SBF2: variants seen among roughly 807,000 people sequenced by gnomAD.
The protein encoded by SBF2 is SET binding factor 2, also known as myotubularin-related protein 13.
A neutral mutation model predicts 225.2 loss-of-function variants in SBF2; 112 were observed. That is an observed-to-expected ratio of 0.50 (90% CI 0.43 to 0.58). The LOEUF is 0.58. Ranked by LOEUF, SBF2 falls within the 20% of genes least tolerant of loss-of-function variation. The probability of loss-of-function intolerance (pLI) is 0.00; values close to 1 mark genes in which losing one functional copy is unlikely to be tolerated. For synonymous variants in SBF2, 763 were observed against 773.3 expected, an observed-to-expected ratio of 0.99 and a Z score of 0.22; for missense variants, 1,996 against 2,206.2, an observed-to-expected ratio of 0.90 and a Z score of 1.91.
intron 17 of SBF2, among the ~76,000 whole-genome samples, chr11:9,874,935 T>C (rs1010505508): frequency 5.9e-5 from 9 of 152,238 alleles, no homozygotes; most frequent in African/African-American, 1.2e-4. Context: ...CAACCTATTA[T>C]TGGAAGAAAA....
intron 16 of SBF2, among the ~76,000 whole-genome samples, chr11:9,942,901 G>GAGAA (rs1183181431): frequency 0.1 from 10,587 of 100,998 alleles, 524 homozygotes; most frequent in East Asian, 0.2. Flanking sequence ...AAGAGAGAGA[G>GAGAA]AGAAAGAAAG....
chr11:10,196,866 A>ATATATATATATATATATATATTTT lies in SBF2; in HGVS notation c.56-2880_56-2879insAAAATATATATATATATATATATA. ...TATATATATATATATATATATATAT[A>ATATATATATATATATATATATTTT]TTTTTTTTTTCCTACAAAATGAATA... On this transcript the variant is annotated intron_variant, in intron 1 of 39. Transcript: ENST00000256190. Among the ~76,000 whole-genome samples, 8 of 99,308 alleles carry ATATATATATATATATATATATTTT rather than the reference A, an allele frequency of 8.1e-5. No homozygotes were observed. The South Asian group carries it at 1.0e-3, about 13-fold the overall frequency. The allele number at this position is 99,308 out of a possible 152,430, so 65.1% of individuals were successfully genotyped here.
chr11:9,794,676 CA>C (rs575749593), intron 33 of SBF2, among the ~76,000 whole-genome samples: 173 of 35,290 alleles, frequency 4.9e-3, no homozygotes, highest in Admixed American at 0.011. Context: ...GACTCCGTCT[CA>C]AAAAAAAAAA....
intron 2 of SBF2, among the ~76,000 whole-genome samples, chr11:10,143,027 C>G (rs1484026487): frequency 6.6e-6 from 1 of 152,192 alleles, no homozygotes; most frequent in Non-Finnish European, 1.5e-5. Context: ...GACATCTCTG[C>G]TACAAAGCTA....
chr11:10,040,094 A>C (rs1009972368), intron 3 of SBF2, among the ~76,000 whole-genome samples: 5 of 152,050 alleles, frequency 3.3e-5, no homozygotes, highest in Non-Finnish European at 7.4e-5. Context: ...TATAGGCAAG[A>C]ATCATTAGTA....
chr11:9,995,433 G>C (rs897516596), intron 9 of SBF2, among the ~76,000 whole-genome samples: 1 of 152,166 alleles, frequency 6.6e-6, no homozygotes, highest in Non-Finnish European at 1.5e-5. Flanking sequence ...GGCAGTTCAA[G>C]TCACTGAATC....
At chr11:9,907,883 C>T (rs996627887) in intron 16 of SBF2, among the ~76,000 whole-genome samples, 1 of 152,120 alleles carries the variant, frequency 6.6e-6, no homozygotes, top group African/African-American at 2.4e-5. Context: ...TAATTATGTC[C>T]TTTTTGTTGA....
chr11:9,907,222 T>C (rs995009398), intron 16 of SBF2, among the ~76,000 whole-genome samples: 4 of 152,172 alleles, frequency 2.6e-5, no homozygotes, highest in African/African-American at 9.7e-5. Context: ...TATAGAATAA[T>C]GACCAAACTC....
At position 9,812,512 on chromosome 11, in the gene SBF2, G is replaced by GA; in HGVS notation, c.4155+19dup. On this transcript the variant is annotated intron_variant, in intron 30 of 39. Transcript: ENST00000256190. ...TCTGTTTCTTTGAGTTATAAAGAAAGAAGCTGCTTCAGACATTACCTGTGG... is the reference window on the plus strand; with the variant it reads ...TCTGTTTCTTTGAGTTATAAAGAAAGAAAGCTGCTTCAGACATTACCTGTGG... 2.5e-6 allele frequency: 4 copies of GA among 1,613,830 alleles called. No individual in the cohort carries two copies. Among genetic ancestry groups the GA allele is most frequent in the Non-Finnish European group, 3.4e-6 (4 of 1,179,790 alleles).
intron 6 of SBF2, among the ~76,000 whole-genome samples, chr11:10,013,943 C>A (rs1280675652): frequency 6.6e-6 from 1 of 152,176 alleles, no homozygotes. Flanking sequence ...TTTTTCCTAA[C>A]AGTCTGTAAG....
At chr11:10,260,759 T>C (rs1961349404) in intron 1 of SBF2, among the ~76,000 whole-genome samples, 1 of 149,790 alleles carries the variant, frequency 6.7e-6, no homozygotes, top group Non-Finnish European at 1.5e-5. Context: ...TGTGCACCCG[T>C]AGTCCCATCT....
chr11:9,925,662 A>G (rs1863977840), intron 16 of SBF2, among the ~76,000 whole-genome samples: 1 of 152,244 alleles, frequency 6.6e-6, no homozygotes. Context: ...CTTGGTTTGA[A>G]TTAGACACAT....
At chr11:9,963,324 G>A (rs1320222633) in intron 15 of SBF2, among the ~76,000 whole-genome samples, 1 of 152,074 alleles carries the variant, frequency 6.6e-6, no homozygotes, top group Non-Finnish European at 1.5e-5. Flanking sequence ...AATGAGGCGG[G>A]CGCAGTGGTG....
At chr11:9,826,854 G>C (rs1005298344) in intron 28 of SBF2, among the ~76,000 whole-genome samples, 20 of 151,354 alleles carry the variant, frequency 1.3e-4, no homozygotes, top group Non-Finnish European at 7.4e-5. Flanking sequence ...GGCTCATTTT[G>C]CTCTTGTTGC....
intron 18 of SBF2, among the ~76,000 whole-genome samples, chr11:9,857,310 T>A (rs1182062972): frequency 6.6e-6 from 1 of 152,220 alleles, no homozygotes. Context: ...AACCTAGGGC[T>A]GGCTCCGGGA....
At chr11:9,990,785 A>G (rs1223888167) in intron 12 of SBF2, among the ~76,000 whole-genome samples, 1 of 152,236 alleles carries the variant, frequency 6.6e-6, no homozygotes, top group African/African-American at 2.4e-5. Flanking sequence ...ATAAAGTTAG[A>G]GACAAAATGA....
intron 2 of SBF2, among the ~76,000 whole-genome samples, chr11:10,088,434 A>G (rs920350412): frequency 6.6e-6 from 1 of 152,180 alleles, no homozygotes; most frequent in Admixed American, 6.5e-5. Context: ...TATTGCTATA[A>G]AGGAACACCT....
intron 1 of SBF2, among the ~76,000 whole-genome samples, chr11:10,227,734 T>TA (rs1339404816): frequency 6.6e-6 from 1 of 152,206 alleles, no homozygotes; most frequent in Non-Finnish European, 1.5e-5. Flanking sequence ...GCCTTGTATA[T>TA]AGTCTGAACT....
intron 34 of SBF2, among the ~76,000 whole-genome samples, chr11:9,789,684 C>T (rs1005979793): frequency 6.6e-6 from 1 of 152,146 alleles, no homozygotes; most frequent in Admixed American, 6.5e-5. Context: ...TCCACCCACC[C>T]CTATCTTACA....
Sources: gnomAD v4.1 joint callset for allele counts (sites outside exome capture counted in the v4.1 genomes callset) on GRCh38, gnomAD v4.1.1 for gene constraint, MANE v1.5 for transcripts, NCBI Gene and HGNC (gene_info 2026-07-23, HGNC 2026-07-21) for gene names.